CNTN3: variants seen among roughly 807,000 people sequenced by gnomAD.
CNTN3 encodes contactin-3.
CNTN3 carries 60 observed loss-of-function variants against 119.1 expected under a neutral mutation model. The observed-to-expected ratio is 0.50, with a 90% CI of 0.41 to 0.62. The LOEUF (loss-of-function observed/expected upper bound fraction) is 0.62. Ranked by LOEUF, CNTN3 falls within the 20% of genes least tolerant of loss-of-function variation. The probability of loss-of-function intolerance (pLI) is 0.00; values close to 1 mark genes in which losing one functional copy is unlikely to be tolerated. For missense variants in CNTN3, 1,101 were observed against 1,242.4 expected (o/e 0.89, Z 1.71); for synonymous variants, 450 against 438.7 (o/e 1.03, Z -0.32).
chr3:74,599,535 G>C (rs940922210), intron 1 of CNTN3, among the ~76,000 whole-genome samples: 1 of 152,078 alleles, frequency 6.6e-6, no homozygotes, highest in Non-Finnish European at 1.5e-5. Context: ...ATTCTCATAA[G>C]GAGCATGCCA....
At chr3:74,452,055 G>C (rs1353636505) in intron 4 of CNTN3, among the ~76,000 whole-genome samples, 1 of 147,034 alleles carries the variant, frequency 6.8e-6, no homozygotes, top group African/African-American at 2.6e-5. Context: ...TGTGAAGAAA[G>C]TCATTGGTAG....
At chr3:74,343,236 C>T (rs1703591757) in intron 11 of CNTN3, among the ~76,000 whole-genome samples, 1 of 152,192 alleles carries the variant, frequency 6.6e-6, no homozygotes, top group African/African-American at 2.4e-5. Flanking sequence ...CAGACCACCT[C>T]AGGCCCTCCC....
At chr3:74,587,803 T>C (rs978517460) in intron 1 of CNTN3, among the ~76,000 whole-genome samples, 1 of 152,168 alleles carries the variant, frequency 6.6e-6, no homozygotes, top group African/African-American at 2.4e-5. Context: ...TCCTGCCTAA[T>C]TGCCCTGGCC....
intron 4 of CNTN3, among the ~76,000 whole-genome samples, chr3:74,429,900 A>T (rs1466872736): frequency 6.6e-6 from 1 of 152,192 alleles, no homozygotes. Context: ...ATCATTAGAC[A>T]TCGGGGAAAT....
intron 4 of CNTN3, among the ~76,000 whole-genome samples, chr3:74,474,343 A>T (rs1182869016): frequency 2.6e-5 from 4 of 152,186 alleles, no homozygotes; most frequent in Non-Finnish European, 5.9e-5. Flanking sequence ...TTTATGGGCA[A>T]AATCAAAATT....
intron 11 of CNTN3, among the ~76,000 whole-genome samples, chr3:74,352,127 C>T (rs577528211): frequency 4.1e-4 from 63 of 152,276 alleles, no homozygotes; most frequent in African/African-American, 1.4e-3. Context: ...CTTATTTTCA[C>T]GATCATATGT....
intron 5 of CNTN3, among the ~76,000 whole-genome samples, chr3:74,398,061 TG>T (rs1705099726): frequency 6.6e-6 from 1 of 152,218 alleles, no homozygotes; most frequent in Non-Finnish European, 1.5e-5. Context: ...GTGAATATCC[TG>T]TTGGACACTG....
intron 3 of CNTN3, 60 bp from the exon 4 acceptor site, chr3:74,486,691 C>A: frequency 7.4e-7 from 1 of 1,354,356 alleles, no homozygotes; most frequent in Non-Finnish European, 9.8e-7. Context: ...AGAAGGCTCT[C>A]CATTATAAAA....
intron 13 of CNTN3, among the ~76,000 whole-genome samples, chr3:74,322,671 G>A (rs918060425): frequency 6.6e-6 from 1 of 152,128 alleles, no homozygotes; most frequent in African/African-American, 2.4e-5. Context: ...GAAAACTTAT[G>A]TCCAATAAAA....
chr3:74,351,386 C>A (rs1703810031), intron 11 of CNTN3, among the ~76,000 whole-genome samples: 1 of 152,130 alleles, frequency 6.6e-6, no homozygotes, highest in South Asian at 2.1e-4. Flanking sequence ...AAATGCCACC[C>A]ACGAGGCTGA....
At chr3:74,333,458 A>G (rs1343003522) in intron 13 of CNTN3, among the ~76,000 whole-genome samples, 3 of 152,144 alleles carry the variant, frequency 2.0e-5, no homozygotes, top group Non-Finnish European at 4.4e-5. Context: ...GGCTTGTGGC[A>G]GCACACCTCT....
At position 74,549,134 on chromosome 3, in the gene CNTN3, T is replaced by C. The variant is rs556000495; in HGVS notation, c.-80-27942A>G. On this transcript the variant is annotated intron_variant, in intron 1 of 22. Coordinates refer to ENST00000263665, the MANE Select transcript of CNTN3 (RefSeq NM_020872.3). ...GAGGCTCTGGTGGACGGTGATTGGA[T>C]CATGGGGGTGGTTTCCAATGGTTTA... Among the ~76,000 whole-genome samples, 4 of 152,296 alleles carry C rather than the reference T, an allele frequency of 2.6e-5. No homozygotes were observed. In the East Asian group the frequency reaches 7.7e-4, roughly 29 times the overall value.
intron 4 of CNTN3, among the ~76,000 whole-genome samples, chr3:74,433,810 ATC>A (rs1314786847): frequency 6.6e-6 from 1 of 152,120 alleles, no homozygotes; most frequent in Non-Finnish European, 1.5e-5. Context: ...CTTTGGCCAC[ATC>A]TCTTTTTTGA....
chr3:74,375,518 G>C (rs753917913), intron 5 of CNTN3, among the ~76,000 whole-genome samples: 1 of 152,150 alleles, frequency 6.6e-6, no homozygotes, highest in Non-Finnish European at 1.5e-5. Flanking sequence ...AAGATCATTT[G>C]AGGGGAACAA....
At chr3:74,557,392 T>C (rs910470566) in intron 1 of CNTN3, among the ~76,000 whole-genome samples, 1 of 152,118 alleles carries the variant, frequency 6.6e-6, no homozygotes, top group Non-Finnish European at 1.5e-5. Context: ...TTTGAAAATA[T>C]GATTGAAACA....
At chr3:74,595,668 T>C (rs1415258903) in intron 1 of CNTN3, among the ~76,000 whole-genome samples, 6 of 152,214 alleles carry the variant, frequency 3.9e-5, no homozygotes, top group African/African-American at 1.2e-4. Flanking sequence ...CTCAATAAAT[T>C]AGGTATTGAT....
At chr3:74,537,937 G>C (rs1387883319) in intron 1 of CNTN3, among the ~76,000 whole-genome samples, 1 of 152,050 alleles carries the variant, frequency 6.6e-6, no homozygotes, top group African/African-American at 2.4e-5. Flanking sequence ...CAGCCCGAGG[G>C]GAAGGGACGG....
chr3:74,338,741 T>A (rs962338182), intron 11 of CNTN3, among the ~76,000 whole-genome samples: 5 of 152,128 alleles, frequency 3.3e-5, no homozygotes, highest in Non-Finnish European at 7.4e-5. Flanking sequence ...ATGATTTTTT[T>A]AAAACTGTGT....
intron 1 of CNTN3, among the ~76,000 whole-genome samples, chr3:74,571,964 A>T (rs1357057281): frequency 6.6e-6 from 1 of 152,190 alleles, no homozygotes; most frequent in Non-Finnish European, 1.5e-5. Context: ...TTTGGGTCAC[A>T]TAATGACCTC....
Sources: gnomAD v4.1 joint callset for allele counts (sites outside exome capture counted in the v4.1 genomes callset) on GRCh38, gnomAD v4.1.1 for gene constraint, MANE v1.5 for transcripts, NCBI Gene and HGNC (gene_info 2026-07-23, HGNC 2026-07-21) for gene names.